The following HFM1 variants were observed in gnomAD, a reference collection of about 807,000 sequenced individuals.
HFM1 encodes helicase for meiosis 1.
Under a neutral mutation model 192.1 loss-of-function variants are expected in HFM1, and 169 were observed. The ratio of observed to expected loss-of-function variants is 0.88; its 90% CI spans 0.78 to 1.00. HFM1 has a LOEUF of 1.00. Ranked by LOEUF, HFM1 falls within the 50% of genes least tolerant of loss-of-function variation. The pLI is 0.00. For synonymous variants in HFM1, 525 were observed against 537.8 expected (o/e 0.98, Z 0.33); for missense variants, 1,661 against 1,668.0 (o/e 1.00, Z 0.07).
intron 30 of HFM1, among the ~76,000 whole-genome samples, chr1:91,297,462 G>A (rs564031443): frequency 1.3e-5 from 2 of 152,350 alleles, no homozygotes; most frequent in African/African-American, 4.8e-5. Context: ...CCAGCATGCA[G>A]CTGGAGATCT....
chr1:91,345,757 C>T (rs141006023), intron 19 of HFM1, among the ~76,000 whole-genome samples: 19 of 152,214 alleles, frequency 1.2e-4, no homozygotes, highest in Middle Eastern at 3.4e-3. Context: ...ACCCTCATTC[C>T]AGGGTGGAAT....
chr1:91,261,348 G>T lies in HFM1; in HGVS notation c.4250C>A (p.Pro1417His). ...CTTCATTTCATCAGCTTCATCATCA[G>T]GATGATACATACTGGGAGAAAGAAG... ...KKEVDFSMYH[P>H]DDEADEMKSL... Residue 1417 changes from proline to histidine, a missense_variant, in exon 39 of 39, where the codon CCT becomes CAT. Transcript: ENST00000370425. 3 of 1,402,088 alleles carry T rather than the reference G, an allele frequency of 2.1e-6. No homozygotes were observed. The highest frequency in any genetic ancestry group is 1.9e-6 in the Non-Finnish European group (2 of 1,063,430). The allele number at this position is 1,402,088 out of a possible 1,614,324, so 86.9% of individuals were successfully genotyped here.
At chr1:91,287,140 G>A (rs1249585166) in intron 30 of HFM1, among the ~76,000 whole-genome samples, 1 of 152,214 alleles carries the variant, frequency 6.6e-6, no homozygotes, top group African/African-American at 2.4e-5. Flanking sequence ...CGGGAAGCTC[G>A]AACTGGGTGG....
In HFM1 at chr1:91,385,580, A is replaced by C. The variant is rs372526987; in HGVS notation, c.749T>G (p.Ile250Ser). 1.2e-6 allele frequency: 2 copies of C among 1,609,918 alleles called. No homozygotes were observed. Among genetic ancestry groups the C allele is most frequent in the Non-Finnish European group, 1.7e-6 (2 of 1,177,148 alleles). The change falls in exon 5 of 39, where the codon ATT becomes AGT. Residue 250 changes from isoleucine to serine, a missense_variant. Physicochemically the swap from Ile to Ser is moderately radical, Grantham distance 142. Coordinates refer to ENST00000370425, the MANE Select transcript of HFM1 (RefSeq NM_001017975.6). Reference protein sequence around the residue: ...SFSVAFQPHDIQEVTENGLGS... With the variant: ...SFSVAFQPHDSQEVTENGLGS... ...CTGAAAAAGCAAGAAATTACCTTGA[A>C]TATCATGAGGTTGGAAAGCAACTGA...
At chr1:91,332,667 A>C (rs1209935232) in intron 20 of HFM1, among the ~76,000 whole-genome samples, 1 of 152,178 alleles carries the variant, frequency 6.6e-6, no homozygotes, top group Non-Finnish European at 1.5e-5. Context: ...AAGAAAACCC[A>C]CAGAATGGGA....
chr1:91,344,613 T>C (rs1655861222), intron 19 of HFM1, among the ~76,000 whole-genome samples: 1 of 152,152 alleles, frequency 6.6e-6, no homozygotes, highest in Non-Finnish European at 1.5e-5. Context: ...ATAATAAGGT[T>C]TCACATATAC....
chr1:91,316,572 ATTTTAAGATCCAGTC>A, intron 25 of HFM1, 96 bp from the exon 26 acceptor site: 4 of 465,186 alleles, frequency 8.6e-6, no homozygotes, highest in Non-Finnish European at 1.4e-5. Context: ...AAAAAAAAAA[ATTTTAAGATCCAGTC>A]AAATAACTAA....
chr1:91,353,281 A>G lies in HFM1; in HGVS notation c.1704T>C (p.Tyr568=). ...EQKQRLQKYA[Y]SVRDSKLRDI... ...CTCTCAGTTTTGAATCTCTTACGGA[A>G]TATGCATACTTCTGTAACCTATTTA... is the stretch of plus-strand genomic sequence containing the variant. Residue 568 remains tyrosine, a synonymous_variant, in exon 14 of 39, where the codon TAT becomes TAC. Transcript: ENST00000370425. 1 of 1,575,972 alleles carries G rather than the reference A, an allele frequency of 6.3e-7. No individual in the cohort carries two copies. Among genetic ancestry groups the G allele is most frequent in the Non-Finnish European group, 8.7e-7 (1 of 1,147,452 alleles).
chr1:91,370,487 A>C (rs1660031772), intron 13 of HFM1, among the ~76,000 whole-genome samples: 2 of 152,176 alleles, frequency 1.3e-5, no homozygotes, highest in South Asian at 4.1e-4. Context: ...CAAAGACAAA[A>C]ACCACATGAT....
At chr1:91,389,445 C>A (rs1012435746) in intron 4 of HFM1, among the ~76,000 whole-genome samples, 2 of 151,898 alleles carry the variant, frequency 1.3e-5, no homozygotes, top group African/African-American at 2.4e-5. Flanking sequence ...GGAGGTGGGG[C>A]CTTTGGCAGG....
chr1:91,292,063 C>G (rs1326291798), intron 30 of HFM1, among the ~76,000 whole-genome samples: 8 of 152,022 alleles, frequency 5.3e-5, no homozygotes, highest in Admixed American at 1.3e-4. Context: ...AAAATAATAA[C>G]AGCTATCTAT....
At chr1:91,366,998 C>A (rs1400127552) in intron 13 of HFM1, among the ~76,000 whole-genome samples, 4 of 152,186 alleles carry the variant, frequency 2.6e-5, no homozygotes, top group African/African-American at 9.7e-5. Flanking sequence ...ACCCACAGAG[C>A]CTCGCTCATT....
intron 20 of HFM1, chr1:91,329,327 T>C (rs1336797601): frequency 6.2e-6 from 10 of 1,605,812 alleles, no homozygotes; most frequent in Non-Finnish European, 7.7e-6. Context: ...AGCAGTTCTC[T>C]GAGGAGCGAA....
intron 13 of HFM1, among the ~76,000 whole-genome samples, chr1:91,374,766 A>G (rs958650053): frequency 2.6e-5 from 4 of 152,150 alleles, no homozygotes; most frequent in Non-Finnish European, 4.4e-5. Context: ...ATAGGCCTGG[A>G]GCTCAGTAAG....
chr1:91,300,043 TAATAA>T (rs1648437253), intron 30 of HFM1, among the ~76,000 whole-genome samples: 1 of 151,880 alleles, frequency 6.6e-6, no homozygotes. Context: ...CTAGCAAGAC[TAATAA>T]AGAAGAAAAG....
rs1304446973 is a variant in HFM1, at chr1:91,317,854, T to C, written c.2812+1224A>G. Among the ~76,000 whole-genome samples, 30 of 152,178 alleles carry C rather than the reference T, an allele frequency of 2.0e-4. 2 individuals are homozygous for C. Among genetic ancestry groups the C allele is most frequent in the Admixed American group, 2.0e-3 (30 of 15,278 alleles). On this transcript the variant is annotated intron_variant, in intron 25 of 38. Coordinates refer to ENST00000370425, the MANE Select transcript of HFM1 (RefSeq NM_001017975.6). ...ATAACAACTTGGATTTGACTTTTTG[T>C]TTAGATTCTCTCACTTTTATATGAT...
intron 35 of HFM1, among the ~76,000 whole-genome samples, chr1:91,267,391 A>G (rs561394795): frequency 2.0e-4 from 30 of 152,278 alleles, no homozygotes; most frequent in African/African-American, 7.0e-4. Flanking sequence ...TTCTTCACAA[A>G]TATTAGCAGA....
intron 34 of HFM1, among the ~76,000 whole-genome samples, chr1:91,271,482 G>A (rs1350219433): frequency 6.6e-6 from 1 of 152,054 alleles, no homozygotes; most frequent in Non-Finnish European, 1.5e-5. Flanking sequence ...GTCATGACCA[G>A]AAGCTGAAGA....
chr1:91,328,578 C>T, intron 20 of HFM1: 1 of 1,609,350 alleles, frequency 6.2e-7, no homozygotes, highest in Non-Finnish European at 8.5e-7. Flanking sequence ...ACCTGATAGG[C>T]ATGTTCTACC....
Sources: allele counts gnomAD v4.1 joint callset (sites outside exome capture counted in the v4.1 genomes callset), GRCh38; gene constraint gnomAD v4.1.1; transcripts MANE v1.5; gene names NCBI Gene and HGNC (gene_info 2026-07-23, HGNC 2026-07-21).